Variants in LARGE1 observed in about 807,000 individuals in gnomAD.
LARGE1 encodes xylosyl- and glucuronyltransferase LARGE1.
Under a neutral mutation model 87.6 loss-of-function variants are expected in LARGE1, and 43 were observed. That is an observed-to-expected ratio of 0.49 (90% CI 0.38 to 0.63). The LOEUF is 0.63. LARGE1 is among the 30% of genes least tolerant of loss of function. LARGE1 has a pLI of 0.00. For synonymous variants in LARGE1, 434 were observed against 394.6 expected, an observed-to-expected ratio of 1.10 and a Z score of -1.18; for missense variants, 802 against 1,000.2, an observed-to-expected ratio of 0.80 and a Z score of 2.67.
chr22:33,547,204 G>C (rs2077384758), intron 6 of LARGE1, among the ~76,000 whole-genome samples: 1 of 150,462 alleles, frequency 6.6e-6, no homozygotes, highest in African/African-American at 2.4e-5. Flanking sequence ...TTTCACGGAA[G>C]ACAATTTTCC....
rs200074908 is a variant in LARGE1 at position 33,264,889 on chromosome 22, C to CTTTTTT, written c.1730+39334_1730+39339dup. On this transcript the variant is annotated intron_variant, in intron 11 of 11. Transcript: ENST00000608642. The stretch of plus-strand genomic sequence containing the variant: ...CTCCCCTTTGACATCTGATCAAATT[C>CTTTTTT]TTTTTTTTTTTTTTTTTTTTTTTTG... Among the ~76,000 whole-genome samples, 120 of 74,356 alleles carry CTTTTTT rather than the reference C, an allele frequency of 1.6e-3. 2 individuals are homozygous for CTTTTTT. Among genetic ancestry groups the CTTTTTT allele is most frequent in the East Asian group, 1.9e-3 (4 of 2,056 alleles). 48.8% of individuals were successfully genotyped at this position (74,356 alleles called of 152,430 possible). A position where few individuals can be genotyped will look rare whatever the true frequency, so the allele number is the denominator to read the frequency against.
chr22:33,667,762 CTTTAG>C (rs977338983), intron 2 of LARGE1, among the ~76,000 whole-genome samples: 6 of 152,204 alleles, frequency 3.9e-5, no homozygotes, highest in African/African-American at 1.2e-4. Context: ...ACTAGGAACA[CTTTAG>C]TTTATCACAT....
chr22:33,796,330 A>G (rs2085980960), intron 1 of LARGE1, among the ~76,000 whole-genome samples: 1 of 152,180 alleles, frequency 6.6e-6, no homozygotes, highest in South Asian at 2.1e-4. Context: ...GCAGCTAGGG[A>G]TTCAGAATAT....
chr22:33,312,409 T>C (rs147734934), intron 11 of LARGE1, among the ~76,000 whole-genome samples: 30 of 138,806 alleles, frequency 2.2e-4, no homozygotes, highest in Middle Eastern at 4.2e-3. Context: ...CACTGCACTC[T>C]GGCCTGGCGA....
intron 2 of LARGE1, among the ~76,000 whole-genome samples, chr22:33,674,461 C>T (rs2081506178): frequency 1.3e-5 from 2 of 152,236 alleles, no homozygotes; most frequent in Non-Finnish European, 2.9e-5. Context: ...AAATGCCAAT[C>T]TGATCTTGTC....
intron 6 of LARGE1, among the ~76,000 whole-genome samples, chr22:33,517,542 T>C (rs536970023): frequency 7.9e-5 from 12 of 152,080 alleles, no homozygotes; most frequent in African/African-American, 2.9e-4. Context: ...CCACCAATAT[T>C]AGCAAATATT....
chr22:33,326,042 C>A (rs1408326830), intron 10 of LARGE1, among the ~76,000 whole-genome samples: 1 of 152,186 alleles, frequency 6.6e-6, no homozygotes, highest in Non-Finnish European at 1.5e-5. Context: ...AGCTCACGAC[C>A]TTCCTCGTTG....
At chr22:33,701,357 A>T (rs1375406566) in intron 2 of LARGE1, among the ~76,000 whole-genome samples, 1 of 152,218 alleles carries the variant, frequency 6.6e-6, no homozygotes, top group African/African-American at 2.4e-5. Flanking sequence ...GGTTGCTGGA[A>T]ACAGAACAGT....
At chr22:33,377,719 T>A (rs188032287) in intron 9 of LARGE1, among the ~76,000 whole-genome samples, 3 of 152,302 alleles carry the variant, frequency 2.0e-5, no homozygotes, top group African/African-American at 7.2e-5. Context: ...ATGAGACATA[T>A]CCCAATTTCT....
At chr22:33,369,114 T>G (rs949025205) in intron 9 of LARGE1, among the ~76,000 whole-genome samples, 1 of 152,242 alleles carries the variant, frequency 6.6e-6, no homozygotes, top group South Asian at 2.1e-4. Context: ...TTACCTACAA[T>G]AGAACTTCTT....
chr22:33,527,647 C>T (rs972248588), intron 6 of LARGE1, among the ~76,000 whole-genome samples: 1 of 152,162 alleles, frequency 6.6e-6, no homozygotes, highest in South Asian at 2.1e-4. Context: ...CTCCTCTACA[C>T]CCTCTTTAGA....
At chr22:33,829,164 G>A (rs1023542406) in intron 1 of LARGE1, among the ~76,000 whole-genome samples, 5 of 151,494 alleles carry the variant, frequency 3.3e-5, no homozygotes, top group African/African-American at 4.9e-5. Flanking sequence ...ACGTGCCACC[G>A]TGCCTGGCTA....
intron 1 of LARGE1, among the ~76,000 whole-genome samples, chr22:33,898,679 G>A (rs140937975): frequency 0.01 from 1,526 of 152,318 alleles, 9 homozygotes; most frequent in Middle Eastern, 0.024. Context: ...GCTTGAACCC[G>A]GGAGGTGGAG....
intron 5 of LARGE1, among the ~76,000 whole-genome samples, chr22:33,570,352 T>C (rs1422877511): frequency 1.3e-5 from 2 of 152,132 alleles, no homozygotes; most frequent in Non-Finnish European, 2.9e-5. Flanking sequence ...AAGTCAGGAA[T>C]GCAGATGGTT....
chr22:33,079,606 G>T, the LARGE1 span, among the ~76,000 whole-genome samples: 1 of 152,104 alleles, frequency 6.6e-6, no homozygotes, highest in Non-Finnish European at 1.5e-5. Flanking sequence ...TTACTGATAA[G>T]ATAGACTAGA....
At position 33,564,966 on chromosome 22, in the gene LARGE1, C is replaced by A; in HGVS notation, c.669G>T (p.Met223Ile). 1.2e-6 allele frequency: 2 copies of A among 1,614,110 alleles called. No homozygotes were observed. Among genetic ancestry groups the A allele is most frequent in the Non-Finnish European group, 8.5e-7 (1 of 1,179,986 alleles). ...GAAGAGTCTTGGTCAGGACAAGCTT[C>A]ATCAGACCATAAATCCCAGAGTAAT... Reference protein sequence around the residue: ...NKHYSGIYGLMKLVLTKTLPA... With the variant: ...NKHYSGIYGLIKLVLTKTLPA... The change falls in exon 6 of 15, where the codon ATG (methionine) becomes ATT (isoleucine). Residue 223 changes from methionine to isoleucine, a missense_variant. Transcript: ENST00000397394.
intron 9 of LARGE1, among the ~76,000 whole-genome samples, chr22:33,368,938 T>G (rs1042156540): frequency 5.9e-5 from 9 of 152,212 alleles, no homozygotes; most frequent in African/African-American, 2.2e-4. Flanking sequence ...TGGAGGGTCC[T>G]GTCTTGGTGT....
intron 10 of LARGE1, among the ~76,000 whole-genome samples, chr22:33,331,488 T>A (rs1937695965): frequency 6.7e-6 from 1 of 149,842 alleles, no homozygotes; most frequent in Non-Finnish European, 1.5e-5. Context: ...GCTCACTGCA[T>A]CCTCTGCCTC....
chr22:33,173,677 C>G (rs1188255798), intron 11 of LARGE1, among the ~76,000 whole-genome samples: 1 of 145,258 alleles, frequency 6.9e-6, no homozygotes, highest in Non-Finnish European at 1.5e-5. Flanking sequence ...AAAAAAAAAG[C>G]AGGGGTTGCA....
Sources: gnomAD v4.1 joint callset for allele counts (sites outside exome capture counted in the v4.1 genomes callset) on GRCh38, gnomAD v4.1.1 for gene constraint, MANE v1.5 for transcripts, NCBI Gene and HGNC (gene_info 2026-07-23, HGNC 2026-07-21) for gene names.